The following PCDHAC1 variants were observed in gnomAD, a reference collection of about 807,000 sequenced individuals.
PCDHAC1 encodes protocadherin alpha-C1.
In PCDHAC1, 42 loss-of-function variants were observed where a neutral mutation model predicts 60.0. That is an observed-to-expected ratio of 0.70 (90% confidence interval 0.55 to 0.90). The LOEUF (loss-of-function observed/expected upper bound fraction) is 0.90, where lower values mean the gene tolerates loss of function less well. Among genes scored for constraint, PCDHAC1 ranks in the 40% least tolerant of loss-of-function variants. The pLI is 0.00. For synonymous variants in PCDHAC1, 468 were observed against 499.3 expected (o/e 0.94, Z 0.84); for missense variants, 1,160 against 1,222.3 (o/e 0.95, Z 0.76).
At chr5:140,943,796 C>T (rs2093568961) in intron 1 of PCDHAC1, among the ~76,000 whole-genome samples, 1 of 152,032 alleles carries the variant, frequency 6.6e-6, no homozygotes, top group Non-Finnish European at 1.5e-5. Flanking sequence ...TTATGCAAAG[C>T]AAAAGAGGAA....
intron 1 of PCDHAC1, among the ~76,000 whole-genome samples, chr5:140,972,738 A>G (rs918730708): frequency 1.4e-5 from 2 of 142,600 alleles, no homozygotes; most frequent in Non-Finnish European, 3.0e-5. Context: ...ATCCCGGCTC[A>G]CTGCAACCTC....
chr5:140,980,465 A>G (rs1170047538), intron 2 of PCDHAC1, among the ~76,000 whole-genome samples: 4 of 152,184 alleles, frequency 2.6e-5, no homozygotes, highest in African/African-American at 9.7e-5. Flanking sequence ...CCCTGTCTCT[A>G]CTAAAAATAC....
intron 3 of PCDHAC1, among the ~76,000 whole-genome samples, chr5:140,994,309 C>T (rs924119174): frequency 1.3e-5 from 2 of 152,072 alleles, no homozygotes; most frequent in African/African-American, 4.8e-5. Context: ...TTCACAGGGC[C>T]CAAACACTCT....
At chr5:140,955,692 T>A (rs1021752704) in intron 1 of PCDHAC1, among the ~76,000 whole-genome samples, 1 of 152,196 alleles carries the variant, frequency 6.6e-6, no homozygotes, top group African/African-American at 2.4e-5. Context: ...CTGTGATGAA[T>A]GTCAATGGAA....
intron 2 of PCDHAC1, among the ~76,000 whole-genome samples, chr5:140,980,790 T>G (rs557225636): frequency 5.3e-4 from 80 of 152,312 alleles, no homozygotes; most frequent in African/African-American, 1.9e-3. Flanking sequence ...TGCCATTTCT[T>G]TTTTGCATTG....
chr5:140,995,930 A>G (rs186484511), intron 3 of PCDHAC1, among the ~76,000 whole-genome samples: 1 of 152,342 alleles, frequency 6.6e-6, no homozygotes, highest in Admixed American at 6.5e-5. Context: ...TGTTGTAAGT[A>G]TTAAATGACA....
At chr5:140,972,514 A>G (rs2096539827) in intron 1 of PCDHAC1, among the ~76,000 whole-genome samples, 1 of 152,260 alleles carries the variant, frequency 6.6e-6, no homozygotes, top group Admixed American at 6.5e-5. Context: ...TTTTACCCCC[A>G]GTGAGCTTAT....
At chr5:140,981,537 G>A (rs375537131) in intron 2 of PCDHAC1, among the ~76,000 whole-genome samples, 2 of 152,172 alleles carry the variant, frequency 1.3e-5, no homozygotes, top group East Asian at 1.9e-4. Flanking sequence ...TCGTGCCACT[G>A]TACTCCAGCC....
intron 3 of PCDHAC1, among the ~76,000 whole-genome samples, chr5:140,989,538 T>TAAA (rs2097347158): frequency 6.6e-6 from 1 of 152,180 alleles, no homozygotes; most frequent in Non-Finnish European, 1.5e-5. Flanking sequence ...GAAGATAGTT[T>TAAA]GTAATTCCTT....
At chr5:140,967,942 A>G in intron 1 of PCDHAC1, 1 of 1,614,226 alleles carries the variant, frequency 6.2e-7, no homozygotes, top group Non-Finnish European at 8.5e-7. Context: ...TCAATGACCA[A>G]GACTCAGGCC....
At chr5:140,997,897 A>C (rs13175095) in intron 3 of PCDHAC1, among the ~76,000 whole-genome samples, 9,880 of 152,266 alleles carry the variant, frequency 0.065, 363 homozygotes, top group East Asian at 0.12. Flanking sequence ...GATAAATTTC[A>C]AGAAGTAGAA....
chr5:140,943,574 G>C (rs1424164723), intron 1 of PCDHAC1, among the ~76,000 whole-genome samples: 1 of 152,154 alleles, frequency 6.6e-6, no homozygotes, highest in African/African-American at 2.4e-5. Context: ...TTAATTTGTT[G>C]ATCTGAGTGG....
At chr5:140,969,470 T>G in intron 1 of PCDHAC1, 1 of 1,483,706 alleles carries the variant, frequency 6.7e-7, no homozygotes, top group African/African-American at 1.4e-5. Context: ...TATCCACAAT[T>G]TGATCATAAT....
chr5:140,990,814 T>A (rs1184527701), intron 3 of PCDHAC1, among the ~76,000 whole-genome samples: 1 of 152,184 alleles, frequency 6.6e-6, no homozygotes, highest in Non-Finnish European at 1.5e-5. Context: ...GAAGCTCCCT[T>A]CTCTCAGCTA....
intron 1 of PCDHAC1, chr5:140,967,103 C>T: frequency 6.2e-7 from 1 of 1,613,024 alleles, no homozygotes; most frequent in Non-Finnish European, 8.5e-7. Context: ...GCTGTGTGAG[C>T]AGCGGCCTCG....
At chr5:140,979,102 C>G in intron 2 of PCDHAC1, 95 bp downstream of exon 2, 1 of 1,541,802 alleles carries the variant, frequency 6.5e-7, no homozygotes. Context: ...GCTGTCAAAA[C>G]TAAAAAGCTT....
intron 1 of PCDHAC1, among the ~76,000 whole-genome samples, chr5:140,945,724 A>G (rs569323682): frequency 4.6e-5 from 7 of 152,272 alleles, no homozygotes; most frequent in South Asian, 2.1e-4. Flanking sequence ...AAGAATATAC[A>G]ATGGAAAAAG....
At chr5:140,971,034 A>G (rs576529050) in intron 1 of PCDHAC1, among the ~76,000 whole-genome samples, 1 of 152,202 alleles carries the variant, frequency 6.6e-6, no homozygotes, top group Non-Finnish European at 1.5e-5. Context: ...ATTTGAAAGC[A>G]CGTAAAAGGG....
intron 1 of PCDHAC1, chr5:140,930,379 G>T (rs1249793792): frequency 6.6e-6 from 1 of 151,896 alleles, no homozygotes; most frequent in African/African-American, 2.4e-5. Flanking sequence ...GTGGCCCTTG[G>T]CATTTCAAAA....
Sources: allele counts gnomAD v4.1 joint callset (sites outside exome capture counted in the v4.1 genomes callset), GRCh38; gene constraint gnomAD v4.1.1; transcripts MANE v1.5; gene names NCBI Gene and HGNC (gene_info 2026-07-23, HGNC 2026-07-21).